Variants in TMEM114 observed in about 807,000 individuals in gnomAD.
TMEM114 encodes claudin-26.
Under a neutral mutation model 6.2 loss-of-function variants are expected in TMEM114, and 6 were observed. That is an observed-to-expected ratio of 0.97 (90% CI 0.53 to 1.91). The LOEUF (loss-of-function observed/expected upper bound fraction) is 1.91. TMEM114 is among the 40% of genes most tolerant of loss of function. The probability of loss-of-function intolerance (pLI) is 0.01; values close to 1 mark genes in which losing one functional copy is unlikely to be tolerated. For synonymous variants in TMEM114, 104 were observed against 73.0 expected, an observed-to-expected ratio of 1.42 and a Z score of -2.16; for missense variants, 218 against 158.3, an observed-to-expected ratio of 1.38 and a Z score of -2.02.
downstream of TMEM114, among the ~76,000 whole-genome samples, chr16:8,536,452 G>T (rs148484340): frequency 2.6e-5 from 4 of 152,076 alleles, no homozygotes; most frequent in African/African-American, 9.7e-5. Context: ...TTGAGTGAAG[G>T]CTTGTAACCT....
At chr16:8,563,698 T>TAAG (rs1436719042) in intron 2 of TMEM114, among the ~76,000 whole-genome samples, 1 of 150,304 alleles carries the variant, frequency 6.7e-6, no homozygotes, top group Non-Finnish European at 1.5e-5. Flanking sequence ...AATGAGTGAG[T>TAAG]TAGTGAATGA....
rs1555461118 is a variant in TMEM114, at chr16:8,540,598, A to AGAACAGGTGAAGT, written n.213-2773_213-2772insACTTCACCTGTTC. Among the ~76,000 whole-genome samples the AGAACAGGTGAAGT allele has an allele frequency of 4.4e-3, 642 of 146,428 alleles. 6 individuals are homozygous for AGAACAGGTGAAGT. Among genetic ancestry groups the AGAACAGGTGAAGT allele is most frequent in the African/African-American group, 0.016 (625 of 38,684 alleles). ...AAGACAGGGAGACTTGGGAGTTGATAAGAACAGGTGAAGTAGAATTCAATT... is the reference window on the plus strand; with the variant it reads ...AAGACAGGGAGACTTGGGAGTTGATAGAACAGGTGAAGTAGAACAGGTGAAGTAGAATTCAATT... On this transcript the variant is annotated intron_variant and non_coding_transcript_variant, in intron 2 of 2. Transcript: ENST00000623677.
chr16:8,537,582 T>C (rs956925737), downstream of TMEM114: 12 of 152,240 alleles, frequency 7.9e-5, no homozygotes. Context: ...CTGATGCTAA[T>C]ATTTTAATAA....
chr16:8,536,143 T>C (rs1176677068), downstream of TMEM114, among the ~76,000 whole-genome samples: 2 of 151,496 alleles, frequency 1.3e-5, no homozygotes, highest in African/African-American at 4.9e-5. Context: ...GACAATCACT[T>C]GAACCTGGGA....
downstream of TMEM114, among the ~76,000 whole-genome samples, chr16:8,533,707 T>G (rs1008980294): frequency 5.3e-5 from 8 of 152,210 alleles, no homozygotes; most frequent in Non-Finnish European, 8.8e-5. Flanking sequence ...GAGTGTCCCA[T>G]GAACTATTGA....
At chr16:8,558,758 TC>T (rs1440592351) in intron 2 of TMEM114, among the ~76,000 whole-genome samples, 4 of 135,742 alleles carry the variant, frequency 2.9e-5, no homozygotes, top group African/African-American at 5.7e-5. Context: ...TTTTTTTTTT[TC>T]GACATGGAGT....
chr16:8,577,238 C>G (rs1901971316), intron 2 of TMEM114, among the ~76,000 whole-genome samples: 1 of 152,244 alleles, frequency 6.6e-6, no homozygotes. Context: ...CTAATTGGCC[C>G]TTTCCTTCTC....
At chr16:8,576,743 GA>G (rs1901948318) in intron 2 of TMEM114, among the ~76,000 whole-genome samples, 1 of 151,666 alleles carries the variant, frequency 6.6e-6, no homozygotes, top group Non-Finnish European at 1.5e-5. Context: ...AGGAAGGAAG[GA>G]AGGAAGGAAG....
intron 2 of TMEM114, among the ~76,000 whole-genome samples, chr16:8,573,003 G>A (rs144271459): frequency 4.0e-4 from 61 of 152,264 alleles, no homozygotes; most frequent in African/African-American, 1.2e-3. Context: ...CTGGAGTGCC[G>A]GCCCCGTTCT....
chr16:8,587,622 G>C (rs899176451), intron 2 of TMEM114, among the ~76,000 whole-genome samples: 1 of 152,234 alleles, frequency 6.6e-6, no homozygotes. Flanking sequence ...AATGGGGCTG[G>C]AGAGGGACCC....
intron 1 of TMEM114, 61 bp from the exon 2 acceptor site, chr16:8,589,354 C>T (rs1027174833): frequency 1.0e-5 from 4 of 398,856 alleles, no homozygotes; most frequent in Non-Finnish European, 1.8e-5. Flanking sequence ...GCACCCTCGT[C>T]TGCGGCTTTG....
At chr16:8,562,528 A>ATGAG (rs1369021145) in intron 2 of TMEM114, among the ~76,000 whole-genome samples, 1 of 133,718 alleles carries the variant, frequency 7.5e-6, no homozygotes, top group Non-Finnish European at 1.6e-5. Flanking sequence ...GAGTGAGTTA[A>ATGAG]TGAGTGAGTG....
At chr16:8,533,935 G>GAC (rs2141641426), downstream of TMEM114, among the ~76,000 whole-genome samples, 1 of 152,288 alleles carries the variant, frequency 6.6e-6, no homozygotes, top group East Asian at 1.9e-4. Flanking sequence ...ACTCCAGTGT[G>GAC]ACTCCTGCTG....
At chr16:8,567,545 A>C (rs927355605), downstream of TMEM114, among the ~76,000 whole-genome samples, 2 of 152,214 alleles carry the variant, frequency 1.3e-5, no homozygotes, top group Admixed American at 1.3e-4. Context: ...GTGTGGGACC[A>C]GATGTCCTGA....
intron 2 of TMEM114, among the ~76,000 whole-genome samples, chr16:8,544,500 C>T (rs1001346201): frequency 2.6e-5 from 4 of 152,256 alleles, no homozygotes; most frequent in Admixed American, 1.3e-4. Flanking sequence ...ATTTTAAGAA[C>T]GTCAAGTGAC....
chr16:8,543,603 G>A (rs952336278), intron 2 of TMEM114, among the ~76,000 whole-genome samples: 1 of 151,926 alleles, frequency 6.6e-6, no homozygotes, highest in Non-Finnish European at 1.5e-5. Flanking sequence ...CAGCTCAGAT[G>A]TCATCTCCTC....
At chr16:8,555,082 G>C (rs938636417) in intron 2 of TMEM114, among the ~76,000 whole-genome samples, 5 of 152,172 alleles carry the variant, frequency 3.3e-5, no homozygotes, top group Admixed American at 1.3e-4. Flanking sequence ...CTCCTTCACA[G>C]TAACCTTTGT....
chr16:8,575,323 A>C (rs989643742), intron 2 of TMEM114, among the ~76,000 whole-genome samples: 1 of 152,204 alleles, frequency 6.6e-6, no homozygotes, highest in Non-Finnish European at 1.5e-5. Context: ...CTAGCTCCAC[A>C]CTGAGCACTG....
downstream of TMEM114, among the ~76,000 whole-genome samples, chr16:8,534,791 A>G (rs1315620307): frequency 6.6e-5 from 10 of 152,310 alleles, 1 homozygote; most frequent in South Asian, 2.1e-3. Flanking sequence ...TATCATCGCT[A>G]TGGTTGTACT....
Sources: gnomAD v4.1 joint callset for allele counts (sites outside exome capture counted in the v4.1 genomes callset) on GRCh38, gnomAD v4.1.1 for gene constraint, MANE v1.5 for transcripts, NCBI Gene and HGNC (gene_info 2026-07-23, HGNC 2026-07-21) for gene names.